The following TCAIM variants were observed in gnomAD, a reference collection of about 807,000 sequenced individuals.
TCAIM encodes T cell activation inhibitor, mitochondrial, also known as T-cell activation inhibitor, mitochondrial.
A neutral mutation model predicts 58.6 loss-of-function variants in TCAIM; 36 were observed. The ratio of observed to expected loss-of-function variants is 0.61; its 90% CI spans 0.47 to 0.81. The LOEUF (loss-of-function observed/expected upper bound fraction) is 0.81, where lower values mean the gene tolerates loss of function less well. Among genes scored for constraint, TCAIM ranks in the 30% least tolerant of loss-of-function variants. The pLI is 0.00. For missense variants in TCAIM, 466 were observed against 579.6 expected, an observed-to-expected ratio of 0.80 and a Z score of 2.01; for synonymous variants, 172 against 193.6, an observed-to-expected ratio of 0.89 and a Z score of 0.93.
Position 44,405,764 on chromosome 3 carries a change from T to C in TCAIM, c.1251-1678T>C, listed in dbSNP as rs373546831. Among the ~76,000 whole-genome samples the C allele has an allele frequency of 1.6e-4, 25 of 151,682 alleles. No homozygotes were observed. In the East Asian group the frequency reaches 4.1e-3, roughly 25 times the overall value. ...TAAGGTCAGTAGTTGAAGACCAGCC[T>C]GGCCAACATGGCAAAACCCTGCCTC... On this transcript the variant is annotated intron_variant, in intron 10 of 10. Coordinates refer to ENST00000342649, the MANE Select transcript of TCAIM (RefSeq NM_173826.4).
chr3:44,381,801 C>G (rs1276497778), intron 5 of TCAIM, among the ~76,000 whole-genome samples: 1 of 152,038 alleles, frequency 6.6e-6, no homozygotes, highest in African/African-American at 2.4e-5. Flanking sequence ...GATACAAACT[C>G]TATACACAAA....
chr3:44,361,269 TAATACTCTC>T (rs1159119377), intron 3 of TCAIM, 87 bp from the exon 4 acceptor site: 3 of 1,058,532 alleles, frequency 2.8e-6, no homozygotes, highest in Non-Finnish European at 2.6e-6. Flanking sequence ...CTAAATTATT[TAATACTCTC>T]AATGTGTTTA....
chr3:44,362,123 A>G (rs891501167), intron 4 of TCAIM, among the ~76,000 whole-genome samples: 15 of 152,204 alleles, frequency 9.9e-5, no homozygotes, highest in Non-Finnish European at 1.8e-4. Context: ...ATCCTTGAAG[A>G]AATAACTATA....
intron 5 of TCAIM, among the ~76,000 whole-genome samples, chr3:44,378,109 G>T (rs1458579281): frequency 6.6e-6 from 1 of 152,114 alleles, no homozygotes; most frequent in African/African-American, 2.4e-5. Flanking sequence ...TGCTGGGTGC[G>T]GTGGCTCACA....
At chr3:44,340,911 T>TA (rs1421606926) in intron 1 of TCAIM, 1 of 152,196 alleles carries the variant, frequency 6.6e-6, no homozygotes, top group African/African-American at 2.4e-5. Flanking sequence ...ATCTGTCACT[T>TA]AGTCGTCAGA....
intron 5 of TCAIM, among the ~76,000 whole-genome samples, chr3:44,390,258 C>T (rs749339672): frequency 6.6e-6 from 1 of 152,138 alleles, no homozygotes; most frequent in Non-Finnish European, 1.5e-5. Flanking sequence ...CTTTAGATCA[C>T]AACATCTAAA....
At chr3:44,388,199 A>G (rs916831636) in intron 5 of TCAIM, among the ~76,000 whole-genome samples, 4 of 152,194 alleles carry the variant, frequency 2.6e-5, no homozygotes, top group Non-Finnish European at 5.9e-5. Flanking sequence ...GTTAACACTT[A>G]TGACAATACT....
intron 8 of TCAIM, 50 bp from the exon 9 acceptor site, chr3:44,400,305 A>G (rs1014443664): frequency 2.5e-5 from 34 of 1,368,914 alleles, no homozygotes; most frequent in Non-Finnish European, 3.2e-5. Flanking sequence ...AAATTAAATT[A>G]TTATAGTAAC....
At chr3:44,370,104 C>A (rs904391034) in intron 5 of TCAIM, among the ~76,000 whole-genome samples, 5 of 152,098 alleles carry the variant, frequency 3.3e-5, no homozygotes, top group Non-Finnish European at 7.4e-5. Context: ...CCTCAAAAGT[C>A]AGCTTTGTTT....
In TCAIM at chr3:44,400,562, C is replaced by T. The variant is rs139421683; in HGVS notation, c.1093C>T (p.Arg365Cys). Reference sequence around the variant, plus strand: ...AATACTATTTCACCCTCGAAGTTTGCGTGGTTTACAAATGATCCTTAACAG... The same window carrying T: ...AATACTATTTCACCCTCGAAGTTTGTGTGGTTTACAAATGATCCTTAACAG... ...SRILFHPRSL[R>C]GLQMILNSDR... The change falls in exon 9 of 11, where the codon CGT becomes TGT. Residue 365 changes from arginine (R) to cysteine (C), a missense_variant. Transcript: ENST00000342649. 9.5e-5 allele frequency: 154 copies of T among 1,612,894 alleles called. No individual in the cohort carries two copies. Among genetic ancestry groups the T allele is most frequent in the Non-Finnish European group, 1.2e-4 (143 of 1,179,600 alleles).
intron 5 of TCAIM, among the ~76,000 whole-genome samples, chr3:44,373,855 T>G (rs1427054642): frequency 6.6e-6 from 1 of 152,200 alleles, no homozygotes; most frequent in Non-Finnish European, 1.5e-5. Flanking sequence ...ATATAGCTTG[T>G]ATTTGAGAGG....
intron 5 of TCAIM, among the ~76,000 whole-genome samples, chr3:44,370,908 ATTT>A (rs56982688): frequency 8.1e-6 from 1 of 123,264 alleles, no homozygotes; most frequent in Admixed American, 8.6e-5. Context: ...TACCTGGCTA[ATTT>A]TTTTTTTTTT....
rs150601477 is a variant in TCAIM, at chr3:44,360,160, T to C, written c.166-1205T>C. On this transcript the variant is annotated intron_variant, in intron 3 of 10. Coordinates refer to ENST00000342649, the MANE Select transcript of TCAIM (RefSeq NM_173826.4). ...CTTTCCTTCCTAGCATTCCGTCCCC[T>C]CTTTACCCTGCAGTACTTGTTTTTT... Among the ~76,000 whole-genome samples the C allele has an allele frequency of 2.9e-3, 438 of 152,278 alleles. 3 individuals are homozygous for C. Among genetic ancestry groups the C allele is most frequent in the African/African-American group, 9.8e-3 (408 of 41,548 alleles).
intron 3 of TCAIM, among the ~76,000 whole-genome samples, chr3:44,360,716 C>T (rs1701282755): frequency 6.6e-6 from 1 of 151,892 alleles, no homozygotes; most frequent in Non-Finnish European, 1.5e-5. Flanking sequence ...AGTGATCCTC[C>T]TACCTCAGCC....
chr3:44,382,279 C>T (rs1701666758), intron 5 of TCAIM, among the ~76,000 whole-genome samples: 1 of 152,112 alleles, frequency 6.6e-6, no homozygotes, highest in South Asian at 2.1e-4. Flanking sequence ...ACATATAGGC[C>T]AGGTGTAGTG....
chr3:44,365,511 A>G (rs1250461925), intron 4 of TCAIM, among the ~76,000 whole-genome samples: 1 of 152,106 alleles, frequency 6.6e-6, no homozygotes, highest in African/African-American at 2.4e-5. Context: ...TATTTTTAGT[A>G]GAGACGGAGT....
chr3:44,348,025 T>C (rs1286158744), intron 1 of TCAIM, among the ~76,000 whole-genome samples: 1 of 152,118 alleles, frequency 6.6e-6, no homozygotes, highest in Non-Finnish European at 1.5e-5. Flanking sequence ...CAGGTGGGAA[T>C]AACTAAAAAG....
At chr3:44,405,951 C>CAAAA (rs10579882) in intron 10 of TCAIM, among the ~76,000 whole-genome samples, 4 of 113,042 alleles carry the variant, frequency 3.5e-5, no homozygotes, top group South Asian at 3.1e-4. Context: ...GACTCCATCT[C>CAAAA]AAAAAAAAAA....
intron 1 of TCAIM, among the ~76,000 whole-genome samples, chr3:44,349,697 CTG>C (rs1491272716): frequency 1.3e-5 from 2 of 149,530 alleles, no homozygotes; most frequent in East Asian, 4.0e-4. Flanking sequence ...CTTCCCGAGT[CTG>C]TGACTGGTGC....
Sources: allele counts gnomAD v4.1 joint callset (sites outside exome capture counted in the v4.1 genomes callset), GRCh38; gene constraint gnomAD v4.1.1; transcripts MANE v1.5; gene names NCBI Gene and HGNC (gene_info 2026-07-23, HGNC 2026-07-21).